CSMD1: variants seen among roughly 807,000 people sequenced by gnomAD.
CSMD1 encodes CUB and Sushi multiple domains 1.
CSMD1 carries 213 observed loss-of-function variants against 417.5 expected under a neutral mutation model. That is an observed-to-expected ratio of 0.51 (90% CI 0.46 to 0.57). The LOEUF (loss-of-function observed/expected upper bound fraction) is 0.57. Among genes scored for constraint, CSMD1 ranks in the 20% least tolerant of loss-of-function variants. The pLI is 0.00. For missense variants in CSMD1, 6,923 were observed against 4,529.7 expected, an observed-to-expected ratio of 1.53 and a Z score of -15.17; for synonymous variants, 2,862 against 1,736.8, an observed-to-expected ratio of 1.65 and a Z score of -16.11.
chr8:4,055,703 C>G (rs1362298932), intron 3 of CSMD1, among the ~76,000 whole-genome samples: 1 of 151,962 alleles, frequency 6.6e-6, no homozygotes, highest in Non-Finnish European at 1.5e-5. Context: ...GAAAAATCAC[C>G]ATGTATTAAT....
chr8:3,383,886 A>G (rs934945252), intron 18 of CSMD1, among the ~76,000 whole-genome samples: 7 of 152,196 alleles, frequency 4.6e-5, no homozygotes, highest in Admixed American at 4.6e-4. Context: ...ATAATATTAG[A>G]TGATGAGAAG....
At chr8:4,700,280 G>C (rs1047201655) in intron 1 of CSMD1, among the ~76,000 whole-genome samples, 1 of 151,970 alleles carries the variant, frequency 6.6e-6, no homozygotes, top group Non-Finnish European at 1.5e-5. Flanking sequence ...CTCAAATTTT[G>C]TGAGTATTAT....
chr8:3,493,576 C>G (rs377003453), intron 11 of CSMD1, 47 bp downstream of exon 11: 1 of 1,491,278 alleles, frequency 6.7e-7, no homozygotes, highest in Non-Finnish European at 9.2e-7. Context: ...CCCACCGTGC[C>G]CCGCACTGCA....
At chr8:3,816,082 C>A (rs2129079835) in intron 5 of CSMD1, among the ~76,000 whole-genome samples, 3 of 152,284 alleles carry the variant, frequency 2.0e-5, no homozygotes, top group East Asian at 3.9e-4. Context: ...GCCTTCCTGA[C>A]AAACCTGCCT....
intron 2 of CSMD1, among the ~76,000 whole-genome samples, chr8:4,493,991 A>G (rs946589802): frequency 7.2e-5 from 11 of 152,248 alleles, no homozygotes; most frequent in Non-Finnish European, 1.3e-4. Context: ...TGCCTTAAGC[A>G]TGTACACATA....
At chr8:3,520,705 T>G (rs565975018) in intron 10 of CSMD1, among the ~76,000 whole-genome samples, 1 of 152,176 alleles carries the variant, frequency 6.6e-6, no homozygotes, top group African/African-American at 2.4e-5. Flanking sequence ...ACCTTCTGCT[T>G]GTTGCATGGC....
intron 1 of CSMD1, among the ~76,000 whole-genome samples, chr8:4,899,849 C>A (rs746508366): frequency 1.3e-4 from 20 of 152,174 alleles, no homozygotes; most frequent in African/African-American, 4.8e-4. Flanking sequence ...TTGCAGATAG[C>A]TTTTTCTCTG....
intron 3 of CSMD1, among the ~76,000 whole-genome samples, chr8:4,374,870 A>C (rs558215606): frequency 6.7e-6 from 1 of 150,306 alleles, no homozygotes; most frequent in Admixed American, 6.7e-5. Context: ...CTAATTAAAC[A>C]CAGGACATGA....
rs186056323 is a variant in CSMD1, at chr8:4,277,575, A to T, written c.415+142378T>A. ...TAGACATGGATAGAGCTGCATGTCT[A>T]TACTCATGAAAACAGCAAGTTCACT... On this transcript the variant is annotated intron_variant, in intron 3 of 69. Transcript: ENST00000635120. 7.9e-5 allele frequency among the ~76,000 whole-genome samples: 12 copies of T among 152,284 alleles called. No individual in the cohort carries two copies. In the East Asian group the frequency reaches 2.3e-3, roughly 29 times the overall value.
At chr8:3,205,876 G>A (rs939696271) in intron 30 of CSMD1, among the ~76,000 whole-genome samples, 1 of 151,706 alleles carries the variant, frequency 6.6e-6, no homozygotes, top group Non-Finnish European at 1.5e-5. Context: ...AAATAATAAG[G>A]GAAACATCTA....
chr8:4,134,842 CG>C (rs1362508317), intron 3 of CSMD1, among the ~76,000 whole-genome samples: 9 of 152,150 alleles, frequency 5.9e-5, no homozygotes, highest in Non-Finnish European at 1.3e-4. Context: ...TGTTGAAAAT[CG>C]TTTGATAGCT....
At chr8:3,173,304 C>T (rs974695809) in intron 37 of CSMD1, among the ~76,000 whole-genome samples, 5 of 152,082 alleles carry the variant, frequency 3.3e-5, no homozygotes, top group African/African-American at 4.8e-5. Flanking sequence ...CATTCCCAGA[C>T]GAGGCTCTGG....
chr8:4,944,717 C>T (rs1343520702), intron 1 of CSMD1, among the ~76,000 whole-genome samples: 2 of 151,716 alleles, frequency 1.3e-5, no homozygotes, highest in South Asian at 2.1e-4. Flanking sequence ...TGACTACTGT[C>T]GAAAAGAAAT....
chr8:4,652,348 G>T (rs1007848790), intron 1 of CSMD1, among the ~76,000 whole-genome samples: 2 of 151,432 alleles, frequency 1.3e-5, no homozygotes, highest in Non-Finnish European at 2.9e-5. Context: ...CATCAGTGAA[G>T]GTCTTTTGAA....
chr8:3,491,181 C>T (rs575695405), intron 11 of CSMD1, among the ~76,000 whole-genome samples: 7 of 152,050 alleles, frequency 4.6e-5, no homozygotes, highest in African/African-American at 1.4e-4. Context: ...TCAAAGGGAA[C>T]CAGGTAAAAA....
intron 2 of CSMD1, among the ~76,000 whole-genome samples, chr8:4,633,808 G>A (rs558655974): frequency 1.5e-4 from 23 of 152,022 alleles, no homozygotes; most frequent in East Asian, 7.8e-4. Flanking sequence ...TGATCCACCC[G>A]CCTTAGCCTC....
At chr8:3,567,862 T>A (rs149012508) in intron 10 of CSMD1, among the ~76,000 whole-genome samples, 2 of 152,106 alleles carry the variant, frequency 1.3e-5, no homozygotes, top group African/African-American at 4.8e-5. Context: ...CATTATATAG[T>A]TGGACTCCTT....
chr8:3,742,114 C>A (rs1359557889), intron 6 of CSMD1, among the ~76,000 whole-genome samples: 3 of 152,000 alleles, frequency 2.0e-5, no homozygotes, highest in Non-Finnish European at 4.4e-5. Context: ...GGAATCCTGT[C>A]CATCAGTCTA....
At chr8:3,517,675 T>G (rs1274866651) in intron 10 of CSMD1, among the ~76,000 whole-genome samples, 3 of 152,140 alleles carry the variant, frequency 2.0e-5, no homozygotes, top group African/African-American at 7.2e-5. Flanking sequence ...CTAACACAAT[T>G]TTTCACTTGT....
Sources: gnomAD v4.1 joint callset for allele counts (sites outside exome capture counted in the v4.1 genomes callset) on GRCh38, gnomAD v4.1.1 for gene constraint, MANE v1.5 for transcripts, NCBI Gene and HGNC (gene_info 2026-07-23, HGNC 2026-07-21) for gene names.